WASF3: variants seen among roughly 807,000 people sequenced by gnomAD.
WASF3 encodes the protein actin-binding protein WASF3.
A neutral mutation model predicts 46.6 loss-of-function variants in WASF3; 11 were observed. That is an observed-to-expected ratio of 0.24 (90% CI 0.15 to 0.39). The LOEUF is 0.39. Among genes scored for constraint, WASF3 ranks in the 10% least tolerant of loss-of-function variants. WASF3 has a pLI of 1.00. For synonymous variants in WASF3, 242 were observed against 259.7 expected, an observed-to-expected ratio of 0.93 and a Z score of 0.65; for missense variants, 576 against 669.8, an observed-to-expected ratio of 0.86 and a Z score of 1.55.
intron 1 of WASF3, among the ~76,000 whole-genome samples, chr13:26,595,890 C>G (rs1593137903): frequency 1.3e-5 from 2 of 152,274 alleles, no homozygotes; most frequent in African/African-American, 4.8e-5. Flanking sequence ...GTTCAACAAT[C>G]CACGCAAACA....
upstream of WASF3, among the ~76,000 whole-genome samples, chr13:26,557,206 G>A (rs1369876147): frequency 7.9e-5 from 12 of 152,158 alleles, no homozygotes; most frequent in Non-Finnish European, 1.5e-4. Flanking sequence ...AATTTGAGCA[G>A]GGCATAAAAC....
intron 7 of WASF3, among the ~76,000 whole-genome samples, chr13:26,677,665 G>A (rs182467554): frequency 4.3e-4 from 66 of 152,226 alleles, no homozygotes; most frequent in Middle Eastern, 3.4e-3. Flanking sequence ...TAATTTTTCT[G>A]TACAAACTTC....
chr13:26,642,304 CACTTGTGCCGGG>C lies in WASF3; in HGVS notation c.35_46del (p.His12_Gly16delinsArg). On this transcript the variant is annotated inframe_deletion, in exon 3 of 10. Transcript: ENST00000335327. ...AGTGAAGAGGAACATTGAGCCCCGG[CACTTGTGCCGGG>C]GAGCTCTGCCTGAAGGGATTACCAG... 2 of 1,596,470 alleles carry C rather than the reference CACTTGTGCCGGG, an allele frequency of 1.3e-6. No homozygotes were observed. The highest frequency in any genetic ancestry group is 1.7e-6 in the Non-Finnish European group (2 of 1,174,768).
chr13:26,605,718 G>A (rs1280087606), intron 1 of WASF3, among the ~76,000 whole-genome samples: 2 of 152,154 alleles, frequency 1.3e-5, no homozygotes, highest in Admixed American at 6.5e-5. Context: ...ACTGTTACCC[G>A]AAGGCAGAAA....
At chr13:26,577,458 G>A (rs1879835245) in intron 1 of WASF3, 2 of 854,474 alleles carry the variant, frequency 2.3e-6, no homozygotes, top group African/African-American at 1.6e-5. Flanking sequence ...ATTCCAGACA[G>A]CATTGGAAAA....
At position 26,686,025 on chromosome 13, in the gene WASF3, G is replaced by A; in HGVS notation, c.*180G>A. 1 of 732,814 alleles carries A rather than the reference G, an allele frequency of 1.4e-6. No homozygotes were observed. 45.4% of individuals were successfully genotyped at this position (732,814 alleles called of 1,614,324 possible). On this transcript the variant is annotated 3_prime_UTR_variant, in exon 10 of 10. Coordinates refer to ENST00000335327, the MANE Select transcript of WASF3 (RefSeq NM_006646.6). ...AGTATTTACTGTGTAATACTTAAGT[G>A]CCACTAAACATAGCAAATTGTGCTG...
intron 1 of WASF3, among the ~76,000 whole-genome samples, chr13:26,607,485 A>G (rs1393030303): frequency 6.6e-6 from 1 of 152,180 alleles, no homozygotes; most frequent in Non-Finnish European, 1.5e-5. Flanking sequence ...TCATTTCAGA[A>G]TTACTTTCCT....
intron 2 of WASF3, among the ~76,000 whole-genome samples, chr13:26,623,947 C>T (rs542332485): frequency 6.6e-6 from 1 of 152,330 alleles, no homozygotes; most frequent in South Asian, 2.1e-4. Flanking sequence ...AGCCATCTCC[C>T]TCAAACCCTG....
At chr13:26,668,314 C>T (rs180752137) in intron 5 of WASF3, among the ~76,000 whole-genome samples, 1 of 152,376 alleles carries the variant, frequency 6.6e-6, no homozygotes, top group East Asian at 1.9e-4. Context: ...TCTTCCCATA[C>T]CTGCTGTCAC....
At chr13:26,569,803 A>G (rs984461988) in intron 1 of WASF3, among the ~76,000 whole-genome samples, 1 of 152,164 alleles carries the variant, frequency 6.6e-6, no homozygotes, top group African/African-American at 2.4e-5. Flanking sequence ...CAATTTGGTG[A>G]GATTAATAAA....
At chr13:26,633,684 T>C (rs1881727774) in intron 2 of WASF3, among the ~76,000 whole-genome samples, 1 of 152,186 alleles carries the variant, frequency 6.6e-6, no homozygotes. Flanking sequence ...GATTCTGGTA[T>C]TTGTGTCTTT....
chr13:26,610,253 G>A (rs1487523519), intron 1 of WASF3, among the ~76,000 whole-genome samples: 1 of 152,182 alleles, frequency 6.6e-6, no homozygotes, highest in Non-Finnish European at 1.5e-5. Flanking sequence ...TCTGAATTAT[G>A]GCTTAAATTC....
At chr13:26,611,712 T>C (rs1174040660) in intron 1 of WASF3, among the ~76,000 whole-genome samples, 1 of 152,172 alleles carries the variant, frequency 6.6e-6, no homozygotes, top group African/African-American at 2.4e-5. Context: ...CTTTTCTCTT[T>C]TACTCAGCAT....
At chr13:26,611,624 G>A (rs485764) in intron 1 of WASF3, among the ~76,000 whole-genome samples, 152,226 of 152,234 alleles carry the variant, frequency 1, 76,109 homozygotes, top group Non-Finnish European at 1. Flanking sequence ...TTAGGCCTGG[G>A]TAATCTAAAC....
At chr13:26,564,280 A>G (rs1420415710) in intron 1 of WASF3, among the ~76,000 whole-genome samples, 1 of 152,198 alleles carries the variant, frequency 6.6e-6, no homozygotes, top group African/African-American at 2.4e-5. Context: ...TGCCTTGTAT[A>G]TAATCTGTGC....
intron 6 of WASF3, among the ~76,000 whole-genome samples, chr13:26,672,440 C>T (rs1054509966): frequency 3.9e-5 from 6 of 152,192 alleles, no homozygotes; most frequent in South Asian, 2.1e-4. Flanking sequence ...GCACGTTCAG[C>T]GGATAGGATT....
chr13:26,684,490 A>G (rs1039027934), intron 9 of WASF3, among the ~76,000 whole-genome samples: 2 of 152,222 alleles, frequency 1.3e-5, no homozygotes, highest in African/African-American at 4.8e-5. Flanking sequence ...AATGTCACGG[A>G]TAATTTCCAC....
At chr13:26,589,188 T>C (rs1258363104) in intron 1 of WASF3, among the ~76,000 whole-genome samples, 3 of 152,224 alleles carry the variant, frequency 2.0e-5, no homozygotes, top group Non-Finnish European at 4.4e-5. Flanking sequence ...CTTTCTGTTT[T>C]TGTTCAACCA....
intron 7 of WASF3, 115 bp downstream of exon 7, chr13:26,676,839 CT>C (rs1248583445): frequency 1.0e-6 from 1 of 986,882 alleles, no homozygotes; most frequent in Non-Finnish European, 1.4e-6. Context: ...CCCTTGATGT[CT>C]TAAGATTTTC....
Sources: gnomAD v4.1 joint callset for allele counts (sites outside exome capture counted in the v4.1 genomes callset) on GRCh38, gnomAD v4.1.1 for gene constraint, MANE v1.5 for transcripts, NCBI Gene and HGNC (gene_info 2026-07-23, HGNC 2026-07-21) for gene names.